CGNL1: variants seen among roughly 807,000 people sequenced by gnomAD.
The protein encoded by CGNL1 is cingulin-like protein 1.
In CGNL1, 132 loss-of-function variants were observed where a neutral mutation model predicts 141.2. That is an observed-to-expected ratio of 0.93 (90% confidence interval 0.81 to 1.08). CGNL1 has a LOEUF of 1.08. CGNL1 is among the 50% of genes least tolerant of loss of function. The pLI, the probability that CGNL1 is intolerant of heterozygous loss-of-function variation, is 0.00. For synonymous variants in CGNL1, 690 were observed against 622.1 expected, an observed-to-expected ratio of 1.11 and a Z score of -1.63; for missense variants, 1,870 against 1,588.6, an observed-to-expected ratio of 1.18 and a Z score of -3.01.
chr15:57,523,337 A>G (rs975364914), intron 10 of CGNL1, 152 bp from the exon 11 acceptor site: 10 of 665,644 alleles, frequency 1.5e-5, no homozygotes, highest in African/African-American at 1.5e-4. Flanking sequence ...ATGCCCTTCT[A>G]TCTCTGACAG....
intron 1 of CGNL1, among the ~76,000 whole-genome samples, chr15:57,413,156 C>T (rs1446989038): frequency 6.6e-6 from 1 of 151,750 alleles, no homozygotes; most frequent in South Asian, 2.1e-4. Context: ...CCACACCCGG[C>T]CTTCTTCTCC....
At chr15:57,396,633 A>C (rs1290809330) in intron 1 of CGNL1, among the ~76,000 whole-genome samples, 1 of 152,082 alleles carries the variant, frequency 6.6e-6, no homozygotes, top group Non-Finnish European at 1.5e-5. Flanking sequence ...GTACATTTCT[A>C]GGTCAGCACT....
chr15:57,469,602 T>G (rs71478627), intron 8 of CGNL1, among the ~76,000 whole-genome samples: 1 of 152,036 alleles, frequency 6.6e-6, no homozygotes, highest in Non-Finnish European at 1.5e-5. Context: ...TGAGTTTCTG[T>G]ACTTTTGTCT....
At position 57,453,710 on chromosome 15, in the gene CGNL1, G is replaced by A. The variant is rs1211054270; in HGVS notation, c.2082G>A (p.Glu694=). The change falls in exon 7 of 19, where the codon GAG becomes GAA. Residue 694 remains glutamate, a synonymous_variant. Transcript: ENST00000281282. ...EELFQVKMER[E]QHQTEIRDLQ... ...TATTCCAGGTGAAGATGGAACGGGA[G>A]CAGCATCAGACTGAGATCAGGGATC... The A allele has an allele frequency of 6.2e-7, 1 of 1,613,830 alleles. No homozygotes were observed. The highest frequency in any genetic ancestry group is 1.3e-5 in the African/African-American group (1 of 74,914).
At chr15:57,546,863 C>T (rs530829641) in intron 18 of CGNL1, among the ~76,000 whole-genome samples, 134 of 152,136 alleles carry the variant, frequency 8.8e-4, no homozygotes, top group African/African-American at 3.0e-3. Flanking sequence ...GCTGGCTGCC[C>T]GGGTAGTTCT....
chr15:57,506,173 C>G (rs75718814), intron 8 of CGNL1, among the ~76,000 whole-genome samples: 1 of 152,204 alleles, frequency 6.6e-6, no homozygotes, highest in Non-Finnish European at 1.5e-5. Flanking sequence ...GGGAGTCTAA[C>G]GCTTGCATTT....
At chr15:57,506,086 C>T (rs536108315) in intron 8 of CGNL1, among the ~76,000 whole-genome samples, 1 of 152,310 alleles carries the variant, frequency 6.6e-6, no homozygotes, top group Admixed American at 6.5e-5. Context: ...ACCTGTTGGA[C>T]ATGTGTGTGC....
At chr15:57,446,955 C>T (rs1365505078) in intron 4 of CGNL1, among the ~76,000 whole-genome samples, 2 of 152,078 alleles carry the variant, frequency 1.3e-5, no homozygotes, top group Non-Finnish European at 2.9e-5. Context: ...GCCTTCAGAT[C>T]TGGTAGCTTT....
At chr15:57,495,187 A>G (rs1452926327) in intron 8 of CGNL1, among the ~76,000 whole-genome samples, 2 of 152,146 alleles carry the variant, frequency 1.3e-5, no homozygotes, top group Non-Finnish European at 2.9e-5. Context: ...TCTCTGAAAT[A>G]GTTTTCACGT....
chr15:57,524,474 C>G, intron 11 of CGNL1, 107 bp from the exon 12 acceptor site: 1 of 1,035,894 alleles, frequency 9.7e-7, no homozygotes, highest in Non-Finnish European at 1.4e-6. Flanking sequence ...TTTGAGGGGG[C>G]CATAGAAGAA....
Position 57,549,710 on chromosome 15 carries a change from G to A in CGNL1, c.*2220G>A, listed in dbSNP as rs1405796679. The A allele has an allele frequency of 6.6e-6, 1 of 152,266 alleles. No individual in the cohort carries two copies. Among genetic ancestry groups the A allele is most frequent in the South Asian group, 2.1e-4 (1 of 4,826 alleles). 9.4% of individuals were successfully genotyped at this position (152,266 alleles called of 1,614,324 possible). ...AAAATTCCTCCCCTCCTGGAGCTCA[G>A]TGTCAGGAAAGGGGGTGATAAATGA... On this transcript the variant is annotated 3_prime_UTR_variant, in exon 19 of 19. Transcript: ENST00000281282.
intron 1 of CGNL1, among the ~76,000 whole-genome samples, chr15:57,407,735 A>G (rs532140927): frequency 1.3e-5 from 2 of 150,400 alleles, no homozygotes. Flanking sequence ...GTATTAGAAA[A>G]AATTATTCTC....
chr15:57,522,603 A>C (rs1230274967), intron 10 of CGNL1, among the ~76,000 whole-genome samples: 2 of 152,118 alleles, frequency 1.3e-5, no homozygotes, highest in Non-Finnish European at 2.9e-5. Context: ...GCGTCTTCTT[A>C]TTATCCTTGT....
At chr15:57,393,375 A>AAGC (rs1382861610) in intron 1 of CGNL1, among the ~76,000 whole-genome samples, 1 of 152,158 alleles carries the variant, frequency 6.6e-6, no homozygotes, top group Non-Finnish European at 1.5e-5. Flanking sequence ...GAAAATGTAA[A>AAGC]AGCTTAGTAG....
chr15:57,444,221 C>T (rs1390575182), intron 4 of CGNL1, among the ~76,000 whole-genome samples: 1 of 151,840 alleles, frequency 6.6e-6, no homozygotes, highest in East Asian at 1.9e-4. Flanking sequence ...TGTGTAGCTG[C>T]ATTTCCTCAA....
At chr15:57,421,502 G>A (rs1432284193) in intron 1 of CGNL1, among the ~76,000 whole-genome samples, 3 of 152,098 alleles carry the variant, frequency 2.0e-5, no homozygotes, top group Non-Finnish European at 1.5e-5. Context: ...GCATTTAGAT[G>A]TAAGAGCTCC....
rs1460495939 is a variant in CGNL1 at position 57,475,079 on chromosome 15, C to T, written c.2403+13187C>T. Among the ~76,000 whole-genome samples, 6 of 152,210 alleles carry T rather than the reference C, an allele frequency of 3.9e-5. No homozygotes were observed. In the South Asian group the frequency reaches 1.2e-3, roughly 32 times the overall value. ...CCTCTGACCTCCTTTCTCACAGTTG[C>T]TGCCCTGGTTCAGGCCTCAGCAGCC... is the stretch of plus-strand genomic sequence containing the variant. On this transcript the variant is annotated intron_variant, in intron 8 of 18. Transcript: ENST00000281282.
chr15:57,379,216 TAC>T (rs2062399822), intron 1 of CGNL1, among the ~76,000 whole-genome samples: 3 of 152,198 alleles, frequency 2.0e-5, no homozygotes, highest in Admixed American at 2.0e-4. Flanking sequence ...CAGCAATAGT[TAC>T]ACTGTGAATA....
chr15:57,413,094 C>G (rs528290120), intron 1 of CGNL1, among the ~76,000 whole-genome samples: 1 of 152,080 alleles, frequency 6.6e-6, no homozygotes, highest in Non-Finnish European at 1.5e-5. Flanking sequence ...CTCCTGACCC[C>G]GTGATCCACT....
Sources: gnomAD v4.1 joint callset for allele counts (sites outside exome capture counted in the v4.1 genomes callset) on GRCh38, gnomAD v4.1.1 for gene constraint, MANE v1.5 for transcripts, NCBI Gene and HGNC (gene_info 2026-07-23, HGNC 2026-07-21) for gene names.